Variants in RAB27B observed in about 807,000 individuals in gnomAD.
RAB27B encodes the protein ras-related protein Rab-27B.
In RAB27B, 15 loss-of-function variants were observed where a neutral mutation model predicts 24.6. That is an observed-to-expected ratio of 0.61 (90% CI 0.41 to 0.94). The LOEUF is 0.94. Ranked by LOEUF, RAB27B falls within the 40% of genes least tolerant of loss-of-function variation. RAB27B has a pLI of 0.00. For synonymous variants in RAB27B, 105 were observed against 92.5 expected (o/e 1.14, Z -0.78); for missense variants, 261 against 266.8 (o/e 0.98, Z 0.15).
intron 2 of RAB27B, among the ~76,000 whole-genome samples, chr18:54,774,977 A>C (rs145727823): frequency 6.6e-6 from 1 of 152,322 alleles, no homozygotes; most frequent in East Asian, 1.9e-4. Context: ...ATATCTGCTC[A>C]GTGGATGAAT....
Position 54,877,599 on chromosome 18 carries a change from A to T in RAB27B, c.14A>T (p.Asp5Val). 1 of 1,564,532 alleles carries T rather than the reference A, an allele frequency of 6.4e-7. No homozygotes were observed. The part of the protein sequence containing the change: MTDG[D>V]YDYLIKLLAL... ...AAGACCATCACTATGACCGATGGAG[A>T]CTATGATTATCTGATCAAACTCCTG... The change falls in exon 2 of 6, where the codon GAC (aspartate) becomes GTC (valine). Residue 5 changes from aspartate to valine, a missense_variant. Asp to Val is a radical substitution (Grantham distance 152). Coordinates refer to ENST00000262094, the MANE Select transcript of RAB27B (RefSeq NM_004163.4).
chr18:54,728,009 G>A (rs144289798), intron 2 of RAB27B, among the ~76,000 whole-genome samples: 1 of 152,128 alleles, frequency 6.6e-6, no homozygotes, highest in Non-Finnish European at 1.5e-5. Context: ...TCTCTGCAAG[G>A]GCTCTGAAAA....
upstream of RAB27B, among the ~76,000 whole-genome samples, chr18:54,824,158 G>T (rs1395562527): frequency 6.6e-6 from 1 of 152,100 alleles, no homozygotes; most frequent in Non-Finnish European, 1.5e-5. Flanking sequence ...TGTAGGTTAG[G>T]GTTAATTCTC....
chr18:54,877,958 A>T (rs1414605998), intron 2 of RAB27B, among the ~76,000 whole-genome samples: 1 of 152,160 alleles, frequency 6.6e-6, no homozygotes, highest in East Asian at 1.9e-4. Context: ...CCCAAAGTGT[A>T]CAAGGCAACC....
In RAB27B at chr18:54,889,287, T is replaced by A. The variant is rs749987436; in HGVS notation, c.531T>A (p.Leu177=). 2.5e-6 allele frequency: 4 copies of A among 1,613,376 alleles called. No homozygotes were observed. In the Admixed American group the frequency reaches 6.7e-5, roughly 27 times the overall value. The change falls in exon 6 of 6, where the codon CTT becomes CTA. Residue 177 remains leucine, a synonymous_variant. Transcript: ENST00000262094. The stretch of plus-strand genomic sequence containing the variant: ...ATGTGGAGAAAGCTGTAGAAACCCT[T>A]TTGGACTTAATCATGAAGCGAATGG... ...GQNVEKAVET[L]LDLIMKRMEQ...
chr18:54,818,875 C>T (rs1206122367), intron 2 of RAB27B, among the ~76,000 whole-genome samples: 2 of 152,058 alleles, frequency 1.3e-5, no homozygotes, highest in Non-Finnish European at 2.9e-5. Flanking sequence ...TCTGTTAAGA[C>T]TCACACCAAA....
At chr18:54,808,089 A>G (rs1184763761) in intron 2 of RAB27B, among the ~76,000 whole-genome samples, 1 of 152,204 alleles carries the variant, frequency 6.6e-6, no homozygotes, top group African/African-American at 2.4e-5. Context: ...AAACAAAACT[A>G]GTTACATATT....
At chr18:54,795,836 G>A (rs906257536) in intron 2 of RAB27B, among the ~76,000 whole-genome samples, 6 of 152,128 alleles carry the variant, frequency 3.9e-5, no homozygotes, top group Non-Finnish European at 8.8e-5. Flanking sequence ...TTGGAATGAG[G>A]TGTGAAGGTA....
intron 2 of RAB27B, among the ~76,000 whole-genome samples, chr18:54,746,615 G>A (rs1449510393): frequency 6.6e-6 from 1 of 152,142 alleles, no homozygotes; most frequent in Non-Finnish European, 1.5e-5. Flanking sequence ...AAGATAGAGA[G>A]GCTGGAATAA....
intron 2 of RAB27B, among the ~76,000 whole-genome samples, chr18:54,822,130 C>A (rs1910330210): frequency 6.6e-6 from 1 of 152,092 alleles, no homozygotes; most frequent in African/African-American, 2.4e-5. Context: ...CAAATTATAC[C>A]TTAAAAAAGA....
chr18:54,864,362 T>C (rs1223572407), intron 1 of RAB27B, among the ~76,000 whole-genome samples: 3 of 152,240 alleles, frequency 2.0e-5, no homozygotes, highest in African/African-American at 7.2e-5. Flanking sequence ...TGTCTTTTTA[T>C]CAAGCTATAA....
At chr18:54,738,602 G>A (rs1909972756) in intron 2 of RAB27B, among the ~76,000 whole-genome samples, 1 of 152,096 alleles carries the variant, frequency 6.6e-6, no homozygotes, top group Non-Finnish European at 1.5e-5. Flanking sequence ...AAATTACCCA[G>A]TCCCAGGGAA....
In RAB27B at chr18:54,889,420, C is replaced by T. The variant is rs758235455; in HGVS notation, c.*7C>T. ...GAAGAAATGTATCTGCTAGACTCTACATAGAAACTGAACATCAAGAACCCC... is the reference window on the plus strand; with the variant it reads ...GAAGAAATGTATCTGCTAGACTCTATATAGAAACTGAACATCAAGAACCCC... On this transcript the variant is annotated 3_prime_UTR_variant, in exon 6 of 6. Transcript: ENST00000262094. 2 of 1,596,070 alleles carry T rather than the reference C, an allele frequency of 1.3e-6. No homozygotes were observed. The highest frequency in any genetic ancestry group is 1.8e-5 in the Admixed American group (1 of 55,944).
At chr18:54,786,524 G>A (rs6566848) in intron 2 of RAB27B, among the ~76,000 whole-genome samples, 77,396 of 152,038 alleles carry the variant, frequency 0.51, 20,554 homozygotes, top group African/African-American at 0.65. Flanking sequence ...ATCCCAAGAT[G>A]CATGTCTTTC....
intron 2 of RAB27B, among the ~76,000 whole-genome samples, chr18:54,718,492 T>C (rs117468719): frequency 0.028 from 4,256 of 152,348 alleles, 72 homozygotes; most frequent in Middle Eastern, 0.092. Flanking sequence ...GGTGCAGTGT[T>C]GGAGTCTTTT....
rs57075397 is a variant in RAB27B at position 54,852,152 on chromosome 18, C to T, written c.-20+23452C>T. 3.5e-3 allele frequency among the ~76,000 whole-genome samples: 530 copies of T among 152,182 alleles called. 2 individuals carry two copies. The highest frequency in any genetic ancestry group is 0.012 in the African/African-American group (489 of 41,522). On this transcript the variant is annotated intron_variant, in intron 1 of 5. Coordinates refer to ENST00000262094, the MANE Select transcript of RAB27B (RefSeq NM_004163.4). ...TTGTTACAAAGAAATGCAAAGGTTG[C>T]GAAGAAATAGTTGCAGACACTACTT...
chr18:54,741,237 T>C (rs1414870693), intron 2 of RAB27B, among the ~76,000 whole-genome samples: 2 of 152,156 alleles, frequency 1.3e-5, no homozygotes, highest in African/African-American at 4.8e-5. Context: ...CTCACCTACA[T>C]TCCTCCGCCC....
At position 54,879,698 on chromosome 18, in the gene RAB27B, A is replaced by G. The variant is rs148414626; in HGVS notation, c.239+244A>G. On this transcript the variant is annotated intron_variant, in intron 3 of 5. Coordinates refer to ENST00000262094, the MANE Select transcript of RAB27B (RefSeq NM_004163.4). ...ATCTCTCTGAAGATTCTTGCTATGC[A>G]CTGTCTTTGCACTTCTTAGAAGGAA... 8.0e-4 allele frequency: 360 copies of G among 447,852 alleles called. 3 individuals are homozygous for G. Among genetic ancestry groups the G allele is most frequent in the African/African-American group, 6.1e-3 (314 of 51,350 alleles). The allele number at this position is 447,852 out of a possible 1,614,324, so 27.7% of individuals were successfully genotyped here. A position where few individuals can be genotyped will look rare whatever the true frequency, so the allele number is the denominator to read the frequency against.
intron 2 of RAB27B, among the ~76,000 whole-genome samples, chr18:54,748,005 C>G (rs1262673738): frequency 6.6e-6 from 1 of 151,858 alleles, no homozygotes; most frequent in African/African-American, 2.4e-5. Context: ...ACCTGGGAGG[C>G]TAGGGTGGGA....
Sources: allele counts gnomAD v4.1 joint callset (sites outside exome capture counted in the v4.1 genomes callset), GRCh38; gene constraint gnomAD v4.1.1; transcripts MANE v1.5; gene names NCBI Gene and HGNC (gene_info 2026-07-23, HGNC 2026-07-21).